Variants in KREMEN1 observed in about 807,000 individuals in gnomAD.
KREMEN1 encodes the protein kremen protein 1.
In KREMEN1, 30 loss-of-function variants were observed where a neutral mutation model predicts 46.5. The ratio of observed to expected loss-of-function variants is 0.65; its 90% CI spans 0.48 to 0.88. The LOEUF (loss-of-function observed/expected upper bound fraction) is 0.88, where lower values mean the gene tolerates loss of function less well. Among genes scored for constraint, KREMEN1 ranks in the 40% least tolerant of loss-of-function variants. KREMEN1 has a pLI of 0.00. For missense variants in KREMEN1, 533 were observed against 596.9 expected, an observed-to-expected ratio of 0.89 and a Z score of 1.11; for synonymous variants, 214 against 230.6, an observed-to-expected ratio of 0.93 and a Z score of 0.65.
intron 1 of KREMEN1, among the ~76,000 whole-genome samples, chr22:29,075,475 AG>A (rs1165265996): frequency 1.3e-5 from 2 of 152,190 alleles, no homozygotes; most frequent in African/African-American, 2.4e-5. Context: ...AGTCTGGGGT[AG>A]GGGCAAATAA....
chr22:29,129,056 G>C (rs2038491306), intron 5 of KREMEN1, among the ~76,000 whole-genome samples: 1 of 152,232 alleles, frequency 6.6e-6, no homozygotes, highest in African/African-American at 2.4e-5. Context: ...CATTCTGAGA[G>C]GCTGCTCACG....
chr22:29,123,950 C>T (rs2038399168), intron 4 of KREMEN1, among the ~76,000 whole-genome samples: 1 of 151,928 alleles, frequency 6.6e-6, no homozygotes, highest in Non-Finnish European at 1.5e-5. Context: ...GGATACAGAG[C>T]AACTGGGACT....
chr22:29,081,564 G>C (rs2037656139), intron 1 of KREMEN1, among the ~76,000 whole-genome samples: 1 of 152,068 alleles, frequency 6.6e-6, no homozygotes, highest in South Asian at 2.1e-4. Context: ...TTAAAGCTTT[G>C]ACAATCAGAA....
At chr22:29,121,313 C>G (rs1041456315) in intron 3 of KREMEN1, 44 bp from the exon 4 acceptor site, 6 of 1,608,378 alleles carry the variant, frequency 3.7e-6, no homozygotes, top group Non-Finnish European at 5.1e-6. Flanking sequence ...TGGTGTTTCA[C>G]AGCCAGATGT....
intron 1 of KREMEN1, among the ~76,000 whole-genome samples, chr22:29,079,223 C>G (rs2037618731): frequency 2.7e-5 from 4 of 148,908 alleles, no homozygotes; most frequent in African/African-American, 1.0e-4. Flanking sequence ...CCTTCCCCTC[C>G]TTTTAAATTC....
chr22:29,087,675 C>T (rs1322167002), intron 1 of KREMEN1, among the ~76,000 whole-genome samples: 1 of 152,070 alleles, frequency 6.6e-6, no homozygotes, highest in Non-Finnish European at 1.5e-5. Flanking sequence ...AAGTGATTCT[C>T]CTGCCTCAAC....
rs2038780096 is a variant in KREMEN1, at chr22:29,142,493, A to G, written c.*381A>G. On this transcript the variant is annotated 3_prime_UTR_variant, in exon 9 of 9. Coordinates refer to ENST00000400335, the MANE Select transcript of KREMEN1 (RefSeq NM_001039570.3). ...TCAGGTGGTGGGTAGCTTTAGTTAC[A>G]TTGAATTTTTCTTGCTTCTCTATTT... The G allele has an allele frequency of 1.0e-6, 1 of 1,002,848 alleles. No homozygotes were observed. The highest frequency in any genetic ancestry group is 1.2e-6 in the Non-Finnish European group (1 of 841,860). 62.1% of individuals were successfully genotyped at this position (1,002,848 alleles called of 1,614,324 possible).
intron 1 of KREMEN1, among the ~76,000 whole-genome samples, chr22:29,088,333 A>ACACACG (rs1556002421): frequency 5.0e-5 from 7 of 139,848 alleles, no homozygotes; most frequent in African/African-American, 1.5e-4. Flanking sequence ...ACACACACGC[A>ACACACG]CACACATATT....
intron 1 of KREMEN1, among the ~76,000 whole-genome samples, chr22:29,077,092 T>A (rs972700772): frequency 2.0e-5 from 3 of 152,158 alleles, no homozygotes; most frequent in Non-Finnish European, 4.4e-5. Context: ...GATTAGGGAT[T>A]TTTGGTGATG....
At chr22:29,141,778 C>T (rs1251100521) in intron 8 of KREMEN1, among the ~76,000 whole-genome samples, 166 bp from the exon 9 acceptor site, 1 of 152,204 alleles carries the variant, frequency 6.6e-6, no homozygotes, top group African/African-American at 2.4e-5. Flanking sequence ...CTGCTGCCCA[C>T]AGGCCACATT....
chr22:29,105,478 T>TACACACACACACACACACACACACACAC (rs10642386), intron 3 of KREMEN1, among the ~76,000 whole-genome samples: 5 of 146,892 alleles, frequency 3.4e-5, no homozygotes, highest in Admixed American at 2.0e-4. Context: ...CACACACACA[T>TACACACACACACACACACACACACACAC]ACACACACAC....
intron 9 of KREMEN1, among the ~76,000 whole-genome samples, chr22:29,163,417 G>A (rs894467935): frequency 1.3e-5 from 2 of 151,914 alleles, no homozygotes; most frequent in Non-Finnish European, 2.9e-5. Context: ...CACTCTCATC[G>A]CCCAGGCTGG....
intron 3 of KREMEN1, among the ~76,000 whole-genome samples, chr22:29,102,898 G>A (rs2037998103): frequency 6.6e-6 from 1 of 152,260 alleles, no homozygotes; most frequent in Non-Finnish European, 1.5e-5. Context: ...GGTGGTGTCT[G>A]GCTTTGGTTC....
chr22:29,127,248 G>T (rs2038459225), intron 5 of KREMEN1, among the ~76,000 whole-genome samples: 1 of 152,176 alleles, frequency 6.6e-6, no homozygotes, highest in Non-Finnish European at 1.5e-5. Flanking sequence ...TAAATAACTT[G>T]CTGGGATTCA....
intron 1 of KREMEN1, among the ~76,000 whole-genome samples, chr22:29,086,897 C>T (rs952847525): frequency 6.6e-6 from 1 of 152,010 alleles, no homozygotes. Flanking sequence ...CAAGCACACA[C>T]CACCACACCC....
chr22:29,104,645 G>A (rs933341601), intron 3 of KREMEN1, among the ~76,000 whole-genome samples: 12 of 152,162 alleles, frequency 7.9e-5, no homozygotes, highest in African/African-American at 4.8e-5. Context: ...AGTGGCTCAC[G>A]CCTGTAATCC....
At chr22:29,110,442 G>A (rs771898641) in intron 3 of KREMEN1, among the ~76,000 whole-genome samples, 2 of 152,226 alleles carry the variant, frequency 1.3e-5, no homozygotes, top group Non-Finnish European at 2.9e-5. Context: ...CACATGTACA[G>A]GGAGGGGAGA....
chr22:29,115,196 C>T (rs1312442689), intron 3 of KREMEN1, among the ~76,000 whole-genome samples: 5 of 152,024 alleles, frequency 3.3e-5, no homozygotes, highest in African/African-American at 1.2e-4. Flanking sequence ...GAAAACCAAA[C>T]ATTGTATGTT....
At position 29,132,072 on chromosome 22, in the gene KREMEN1, G is replaced by A. The variant is rs138382241; in HGVS notation, c.632-5270G>A. ...TTTCTAGTAGAGATGGGGTTTCTCC[G>A]GGTTGGTCAGGCTGGTCTCAAACTC... On this transcript the variant is annotated intron_variant, in intron 5 of 8. Transcript: ENST00000400335. Among the ~76,000 whole-genome samples, 1,354 of 151,520 alleles carry A rather than the reference G, an allele frequency of 8.9e-3. 13 individuals carry two copies. The highest frequency in any genetic ancestry group is 0.031 in the African/African-American group (1,289 of 41,260).
Sources: allele counts gnomAD v4.1 joint callset (sites outside exome capture counted in the v4.1 genomes callset), GRCh38; gene constraint gnomAD v4.1.1; transcripts MANE v1.5; gene names NCBI Gene and HGNC (gene_info 2026-07-23, HGNC 2026-07-21).